Variants in KDM2A observed in about 807,000 individuals in gnomAD.
KDM2A encodes lysine demethylase 2A.
In KDM2A, 3 loss-of-function variants were observed where a neutral mutation model predicts 137.3. The observed-to-expected ratio is 0.02, with a 90% CI of 0.01 to 0.06. The LOEUF is 0.06. KDM2A is among the 10% of genes least tolerant of loss of function. KDM2A has a pLI of 1.00. For synonymous variants in KDM2A, 512 were observed against 541.5 expected (o/e 0.95, Z 0.76); for missense variants, 738 against 1,510.6 (o/e 0.49, Z 8.48).
Position 67,243,079 on chromosome 11 carries a change from CA to C in KDM2A, c.1555del (p.Arg519GlyfsTer25). On this transcript the variant is annotated frameshift_variant, in exon 13 of 21. Coordinates refer to ENST00000529006, the MANE Select transcript of KDM2A (RefSeq NM_012308.3). LOFTEE classifies it high-confidence loss of function. ...ALTGVPIVQWPKRDKLKFPTR... is the reference protein window; with the variant it reads ...ALTGVPIVQWXKRDKLKFPTR... ...ACTGGAGTTCCTATAGTACAGTGGC[CA>C]AAAAGGGATAAGGTAAGAAACTATT... 1.2e-6 allele frequency: 2 copies of C among 1,609,854 alleles called. No individual in the cohort carries two copies. The highest frequency in any genetic ancestry group is 8.5e-7 in the Non-Finnish European group (1 of 1,177,318).
chr11:67,155,471 A>C (rs1336638928), intron 2 of KDM2A, among the ~76,000 whole-genome samples: 2 of 151,736 alleles, frequency 1.3e-5, no homozygotes, highest in African/African-American at 2.4e-5. Flanking sequence ...ACCTTGGCTA[A>C]GTTTTAAATT....
chr11:67,131,345 A>G (rs1363635035), intron 2 of KDM2A, among the ~76,000 whole-genome samples: 1 of 141,942 alleles, frequency 7.0e-6, no homozygotes, highest in Non-Finnish European at 1.5e-5. Flanking sequence ...TAATAATAAC[A>G]CTCTTACTCC....
intron 5 of KDM2A, among the ~76,000 whole-genome samples, chr11:67,206,282 T>C (rs1293332957): frequency 6.6e-6 from 1 of 152,084 alleles, no homozygotes. Flanking sequence ...AATACAAAAA[T>C]TAGGCAGGCG....
chr11:67,255,209 A>G lies in KDM2A; in HGVS notation c.*154A>G. ...AGCCCTTCCTCTACAGGTGGGGCAGAGAGGGTGGTGGACACCAGGCTTATC... is the reference window on the plus strand; with the variant it reads ...AGCCCTTCCTCTACAGGTGGGGCAGGGAGGGTGGTGGACACCAGGCTTATC... On this transcript the variant is annotated 3_prime_UTR_variant, in exon 21 of 21. Transcript: ENST00000529006. 1 of 672,788 alleles carries G rather than the reference A, an allele frequency of 1.5e-6. No individual in the cohort carries two copies. The highest frequency in any genetic ancestry group is 2.5e-6 in the Non-Finnish European group (1 of 399,032). The allele number at this position is 672,788 out of a possible 1,614,324, so 41.7% of individuals were successfully genotyped here.
chr11:67,225,898 C>G (rs1005504793), intron 10 of KDM2A, among the ~76,000 whole-genome samples: 1 of 151,962 alleles, frequency 6.6e-6, no homozygotes, highest in African/African-American at 2.4e-5. Context: ...AACCCCGTCT[C>G]TACTAAAAAC....
chr11:67,208,764 G>C (rs1307623724), intron 6 of KDM2A, among the ~76,000 whole-genome samples: 1 of 136,506 alleles, frequency 7.3e-6, no homozygotes, highest in Non-Finnish European at 1.6e-5. Context: ...GTGAGACCCT[G>C]TCTCAAAAAA....
At chr11:67,163,749 G>C (rs759678206) in intron 2 of KDM2A, among the ~76,000 whole-genome samples, 4 of 151,776 alleles carry the variant, frequency 2.6e-5, no homozygotes, top group African/African-American at 4.8e-5. Context: ...CCAGCTACTC[G>C]GGAGGTTGCA....
intron 5 of KDM2A, among the ~76,000 whole-genome samples, chr11:67,192,204 T>A (rs1349831966): frequency 6.6e-6 from 1 of 152,112 alleles, no homozygotes; most frequent in East Asian, 1.9e-4. Flanking sequence ...TCCTTCCTCC[T>A]CTCTCCAGAG....
At chr11:67,122,641 A>T (rs557016360) in intron 2 of KDM2A, among the ~76,000 whole-genome samples, 70 of 141,002 alleles carry the variant, frequency 5.0e-4, no homozygotes, top group Middle Eastern at 3.6e-3. Flanking sequence ...TTTTTTATTT[A>T]TTTTTATTTA....
intron 2 of KDM2A, among the ~76,000 whole-genome samples, chr11:67,134,445 T>G (rs1250223125): frequency 6.6e-6 from 1 of 152,210 alleles, no homozygotes; most frequent in Non-Finnish European, 1.5e-5. Flanking sequence ...GTAGATAGGT[T>G]GCATGTTTCC....
intron 10 of KDM2A, among the ~76,000 whole-genome samples, chr11:67,225,705 G>A (rs1858520945): frequency 6.6e-6 from 1 of 151,490 alleles, no homozygotes; most frequent in Non-Finnish European, 1.5e-5. Flanking sequence ...AGAGGCACAG[G>A]TTGCGGTGAG....
At chr11:67,242,276 G>A (rs12271217) in intron 12 of KDM2A, among the ~76,000 whole-genome samples, 2 of 70,988 alleles carry the variant, frequency 2.8e-5, no homozygotes, top group African/African-American at 1.5e-4. Flanking sequence ...GTGGGTGTGT[G>A]TATGTGTGTG....
At chr11:67,194,882 T>C (rs866104515) in intron 5 of KDM2A, among the ~76,000 whole-genome samples, 2 of 152,192 alleles carry the variant, frequency 1.3e-5, no homozygotes, top group Middle Eastern at 3.2e-3. Flanking sequence ...AATACTTGGA[T>C]TTGCCTCTTA....
At chr11:67,129,143 T>C (rs927166461) in intron 2 of KDM2A, among the ~76,000 whole-genome samples, 7 of 152,344 alleles carry the variant, frequency 4.6e-5, no homozygotes, top group Admixed American at 2.0e-4. Context: ...GGAGGATATC[T>C]GGATATTGGG....
chr11:67,122,160 A>G (rs1353588441), intron 2 of KDM2A, among the ~76,000 whole-genome samples: 1 of 152,192 alleles, frequency 6.6e-6, no homozygotes, highest in Non-Finnish European at 1.5e-5. Context: ...ACAGAATTGT[A>G]TGTAGTATGT....
At chr11:67,160,219 A>G (rs1856604277) in intron 2 of KDM2A, among the ~76,000 whole-genome samples, 1 of 152,192 alleles carries the variant, frequency 6.6e-6, no homozygotes, top group Non-Finnish European at 1.5e-5. Context: ...GTATTTTAGC[A>G]ATTGCCATCA....
At chr11:67,133,787 C>G (rs553313415) in intron 2 of KDM2A, among the ~76,000 whole-genome samples, 3 of 151,746 alleles carry the variant, frequency 2.0e-5, no homozygotes, top group African/African-American at 4.8e-5. Context: ...CTATAACTTC[C>G]GCCTCCCAGG....
At chr11:67,235,714 T>C (rs1858852748) in intron 12 of KDM2A, among the ~76,000 whole-genome samples, 1 of 151,466 alleles carries the variant, frequency 6.6e-6, no homozygotes, top group Non-Finnish European at 1.5e-5. Context: ...CTCCACCTCC[T>C]GGGTTCAAGT....
chr11:67,252,526 A>AT, intron 17 of KDM2A, 168 bp from the exon 18 acceptor site: 1 of 716,392 alleles, frequency 1.4e-6, no homozygotes, highest in Non-Finnish European at 2.4e-6. Flanking sequence ...GTTCAAGGCA[A>AT]TTTTTTGCCT....
Sources: allele counts gnomAD v4.1 joint callset (sites outside exome capture counted in the v4.1 genomes callset), GRCh38; gene constraint gnomAD v4.1.1; transcripts MANE v1.5; gene names NCBI Gene and HGNC (gene_info 2026-07-23, HGNC 2026-07-21).